Variants in FRMD3 observed in about 807,000 individuals in gnomAD.
The protein encoded by FRMD3 is FERM domain-containing protein 3.
A neutral mutation model predicts 70.2 loss-of-function variants in FRMD3; 33 were observed. The observed-to-expected ratio is 0.47, with a 90% CI of 0.36 to 0.63. The LOEUF (loss-of-function observed/expected upper bound fraction) is 0.63, where lower values mean the gene tolerates loss of function less well. Ranked by LOEUF, FRMD3 falls within the 20% of genes least tolerant of loss-of-function variation. FRMD3 has a pLI of 0.00. For synonymous variants in FRMD3, 279 were observed against 255.9 expected, an observed-to-expected ratio of 1.09 and a Z score of -0.86; for missense variants, 632 against 711.4, an observed-to-expected ratio of 0.89 and a Z score of 1.27.
In FRMD3 at chr9:83,402,898, C is replaced by CTTTTT. The variant is rs559570925; in HGVS notation, c.148-13195_148-13191dup. Among the ~76,000 whole-genome samples the CTTTTT allele has an allele frequency of 6.2e-3, 543 of 87,230 alleles. 2 individuals are homozygous for CTTTTT. Among genetic ancestry groups the CTTTTT allele is most frequent in the Non-Finnish European group, 7.1e-3 (336 of 47,592 alleles). 57.2% of individuals were successfully genotyped at this position (87,230 alleles called of 152,430 possible). A position where few individuals can be genotyped will look rare whatever the true frequency, so the allele number is the denominator to read the frequency against. On this transcript the variant is annotated intron_variant, in intron 1 of 13. Transcript: ENST00000304195. Reference sequence around the variant, plus strand: ...GACTCTCAATTTTCCTTCTTTCTTTCTTTTTTTTTTTTTTTTTTTTTTTGA... The same window carrying CTTTTT: ...GACTCTCAATTTTCCTTCTTTCTTTCTTTTTTTTTTTTTTTTTTTTTTTTTTTTGA...
At chr9:83,564,408 C>T in the FRMD3 span, among the ~76,000 whole-genome samples, 9 of 152,160 alleles carry the variant, frequency 5.9e-5, no homozygotes, top group African/African-American at 2.2e-4. Flanking sequence ...AATGTCAAGG[C>T]CAACAGCCTC....
chr9:83,550,305 G>A, the FRMD3 span, among the ~76,000 whole-genome samples: 1 of 151,994 alleles, frequency 6.6e-6, no homozygotes. Context: ...ATTGGTCTAT[G>A]TCCCTGTTTT....
At chr9:83,508,846 C>T (rs1268876481) in intron 1 of FRMD3, among the ~76,000 whole-genome samples, 1 of 152,208 alleles carries the variant, frequency 6.6e-6, no homozygotes, top group Admixed American at 6.5e-5. Flanking sequence ...TTTTGCACCA[C>T]ATGACTTGTT....
At chr9:83,508,275 T>C (rs200399024) in intron 1 of FRMD3, among the ~76,000 whole-genome samples, 1 of 152,188 alleles carries the variant, frequency 6.6e-6, no homozygotes, top group Admixed American at 6.5e-5. Flanking sequence ...AAGTGGTGCC[T>C]GTGAGGAGGC....
intron 6 of FRMD3, among the ~76,000 whole-genome samples, chr9:83,335,061 G>A (rs969415788): frequency 6.6e-6 from 1 of 152,144 alleles, no homozygotes; most frequent in Admixed American, 6.5e-5. Context: ...GAGAAAAAGA[G>A]GATCAGACAC....
intron 13 of FRMD3, chr9:83,266,924 C>A: frequency 7.3e-7 from 1 of 1,372,196 alleles, no homozygotes; most frequent in South Asian, 1.4e-5. Context: ...CCAAATTCAC[C>A]CTGGGCCTCT....
Position 83,301,601 on chromosome 9 carries a change from C to T in FRMD3, c.927-2415G>A, listed in dbSNP as rs999472161. Among the ~76,000 whole-genome samples, 4 of 151,972 alleles carry T rather than the reference C, an allele frequency of 2.6e-5. No individual in the cohort carries two copies. The East Asian group carries it at 5.8e-4, about 22-fold the overall frequency. The stretch of plus-strand genomic sequence containing the variant: ...CAACACTTTGCCCATTCTACAGAAG[C>T]GACACGTGAAGCCGGCAAAGCCGGC... On this transcript the variant is annotated intron_variant, in intron 10 of 13. Coordinates refer to ENST00000304195, the MANE Select transcript of FRMD3 (RefSeq NM_174938.6).
chr9:83,327,741 G>A (rs552001919), intron 6 of FRMD3, among the ~76,000 whole-genome samples: 6 of 152,126 alleles, frequency 3.9e-5, no homozygotes, highest in African/African-American at 1.4e-4. Flanking sequence ...CATTCAGATC[G>A]ATTTGCATCT....
chr9:83,377,337 C>T (rs1825181579), intron 2 of FRMD3, among the ~76,000 whole-genome samples: 1 of 152,130 alleles, frequency 6.6e-6, no homozygotes, highest in Admixed American at 6.5e-5. Context: ...GGGAAACACA[C>T]ATTTAGGAGT....
chr9:83,521,612 C>T (rs1295442837), intron 1 of FRMD3, among the ~76,000 whole-genome samples: 1 of 152,200 alleles, frequency 6.6e-6, no homozygotes, highest in African/African-American at 2.4e-5. Flanking sequence ...GTGAGCCAAG[C>T]TAGTCACAAA....
intron 13 of FRMD3, among the ~76,000 whole-genome samples, chr9:83,286,367 T>C (rs1486599531): frequency 6.6e-6 from 1 of 152,124 alleles, no homozygotes; most frequent in Non-Finnish European, 1.5e-5. Flanking sequence ...GTTTCGCTCT[T>C]GTTGCCCAGG....
intron 3 of FRMD3, among the ~76,000 whole-genome samples, chr9:83,368,028 T>C (rs1824844669): frequency 6.6e-6 from 1 of 152,192 alleles, no homozygotes. Flanking sequence ...ACACAGCAAC[T>C]TGGGTGAATC....
At chr9:83,530,019 A>C (rs1279330621) in intron 1 of FRMD3, among the ~76,000 whole-genome samples, 1 of 152,198 alleles carries the variant, frequency 6.6e-6, no homozygotes, top group East Asian at 1.9e-4. Flanking sequence ...AGAAATTGAA[A>C]CCCTGCTACA....
chr9:83,540,123 T>C (rs1251996513), upstream of FRMD3, among the ~76,000 whole-genome samples: 1 of 152,162 alleles, frequency 6.6e-6, no homozygotes, highest in Non-Finnish European at 1.5e-5. Context: ...GTGGAGGACA[T>C]CTTACAGCTG....
At chr9:83,480,693 C>T (rs1473272521) in intron 1 of FRMD3, among the ~76,000 whole-genome samples, 1 of 152,082 alleles carries the variant, frequency 6.6e-6, no homozygotes, top group Non-Finnish European at 1.5e-5. Context: ...CAGGGTTTCT[C>T]CATGTTGGTC....
intron 1 of FRMD3, among the ~76,000 whole-genome samples, chr9:83,449,457 T>C (rs777155668): frequency 1.3e-5 from 2 of 152,172 alleles, no homozygotes; most frequent in Non-Finnish European, 2.9e-5. Context: ...GTTTATTGTA[T>C]TTACATGAAG....
At chr9:83,243,972 C>CA (rs1327359591), downstream of FRMD3, among the ~76,000 whole-genome samples, 1 of 151,948 alleles carries the variant, frequency 6.6e-6, no homozygotes, top group Non-Finnish European at 1.5e-5. Context: ...ACTGAAAATA[C>CA]AAAAAATTAG....
intron 13 of FRMD3, among the ~76,000 whole-genome samples, chr9:83,282,163 C>T (rs893124500): frequency 3.5e-4 from 53 of 152,168 alleles, no homozygotes; most frequent in African/African-American, 1.2e-3. Flanking sequence ...CAAATTTTCT[C>T]ATCTCTCTAG....
chr9:83,406,809 T>G (rs1378611836), intron 1 of FRMD3, among the ~76,000 whole-genome samples: 1 of 152,236 alleles, frequency 6.6e-6, no homozygotes, highest in Admixed American at 6.5e-5. Flanking sequence ...ACTGTATGTA[T>G]CTCTTCTTCA....
Sources: gnomAD v4.1 joint callset for allele counts (sites outside exome capture counted in the v4.1 genomes callset) on GRCh38, gnomAD v4.1.1 for gene constraint, MANE v1.5 for transcripts, NCBI Gene and HGNC (gene_info 2026-07-23, HGNC 2026-07-21) for gene names.